Variants in SSBP2 observed in about 807,000 individuals in gnomAD.
The protein encoded by SSBP2 is single stranded DNA binding protein 2.
SSBP2 carries 17 observed loss-of-function variants against 61.8 expected under a neutral mutation model. The ratio of observed to expected loss-of-function variants is 0.28; its 90% CI spans 0.19 to 0.41. The LOEUF (loss-of-function observed/expected upper bound fraction) is 0.41, where lower values mean the gene tolerates loss of function less well. SSBP2 is among the 10% of genes least tolerant of loss of function. The pLI, the probability that SSBP2 is intolerant of heterozygous loss-of-function variation, is 1.00. For missense variants in SSBP2, 310 were observed against 458.7 expected (o/e 0.68, Z 2.96); for synonymous variants, 139 against 141.3 (o/e 0.98, Z 0.12).
At chr5:81,723,388 C>A in intron 1 of SSBP2, among the ~76,000 whole-genome samples, 1 of 151,974 alleles carries the variant, frequency 6.6e-6, no homozygotes, top group East Asian at 1.9e-4. Context: ...TTTCCCCCAA[C>A]TCCATTTTTC....
intron 5 of SSBP2, among the ~76,000 whole-genome samples, chr5:81,494,403 T>C (rs1407827273): frequency 1.3e-5 from 2 of 152,254 alleles, no homozygotes; most frequent in Non-Finnish European, 2.9e-5. Context: ...TGAATGTTTA[T>C]GTCTGCATAA....
chr5:81,700,389 C>T (rs1414059077), intron 1 of SSBP2, among the ~76,000 whole-genome samples: 1 of 152,188 alleles, frequency 6.6e-6, no homozygotes, highest in Non-Finnish European at 1.5e-5. Context: ...AATAGATGTA[C>T]TGTCTTCCAG....
intron 1 of SSBP2, among the ~76,000 whole-genome samples, chr5:81,682,430 A>T (rs929677358): frequency 2.0e-5 from 3 of 152,194 alleles, no homozygotes; most frequent in Admixed American, 2.0e-4. Flanking sequence ...TGAAGAAAAA[A>T]ATTACAATTA....
chr5:81,684,840 G>A (rs1251687470), intron 1 of SSBP2, among the ~76,000 whole-genome samples: 1 of 152,126 alleles, frequency 6.6e-6, no homozygotes, highest in East Asian at 1.9e-4. Context: ...GGACTATTGA[G>A]GGGGATTATT....
At chr5:81,491,586 G>A (rs1385122448) in intron 5 of SSBP2, among the ~76,000 whole-genome samples, 2 of 152,172 alleles carry the variant, frequency 1.3e-5, no homozygotes, top group Admixed American at 6.5e-5. Flanking sequence ...GTCAGTGTAT[G>A]TGCTAGCTGG....
At chr5:81,471,585 A>G (rs1765248622) in intron 8 of SSBP2, among the ~76,000 whole-genome samples, 1 of 152,030 alleles carries the variant, frequency 6.6e-6, no homozygotes, top group Admixed American at 6.6e-5. Flanking sequence ...ATGGAACTTA[A>G]GCAGTCTTAT....
chr5:81,562,158 G>C (rs1003574443), intron 4 of SSBP2, among the ~76,000 whole-genome samples: 1 of 151,826 alleles, frequency 6.6e-6, no homozygotes, highest in Non-Finnish European at 1.5e-5. Flanking sequence ...CACTGGCTTC[G>C]GCCTCCCAAA....
intron 1 of SSBP2, among the ~76,000 whole-genome samples, chr5:81,729,411 A>C (rs1421379709): frequency 6.6e-6 from 1 of 152,194 alleles, no homozygotes; most frequent in African/African-American, 2.4e-5. Flanking sequence ...TAGGAACTGG[A>C]TATACACACA....
At chr5:81,737,193 A>T (rs1756678947) in intron 1 of SSBP2, among the ~76,000 whole-genome samples, 1 of 152,062 alleles carries the variant, frequency 6.6e-6, no homozygotes, top group African/African-American at 2.4e-5. Context: ...AATAATAATA[A>T]AAGTGGTTTA....
At chr5:81,532,104 T>C (rs1317854168) in intron 4 of SSBP2, among the ~76,000 whole-genome samples, 4 of 152,046 alleles carry the variant, frequency 2.6e-5, no homozygotes, top group Non-Finnish European at 5.9e-5. Flanking sequence ...AGCAGTACTG[T>C]CAAGGCATAT....
At chr5:81,551,665 A>G (rs1309924588) in intron 4 of SSBP2, among the ~76,000 whole-genome samples, 1 of 152,188 alleles carries the variant, frequency 6.6e-6, no homozygotes, top group Non-Finnish European at 1.5e-5. Context: ...AAAGCTCTCA[A>G]CTTAAATCTT....
chr5:81,590,013 C>G (rs921156220), intron 4 of SSBP2, among the ~76,000 whole-genome samples: 5 of 152,118 alleles, frequency 3.3e-5, no homozygotes, highest in African/African-American at 9.7e-5. Flanking sequence ...GTTTCCAACA[C>G]AAACTTTTTA....
At chr5:81,495,397 T>C (rs1483366330) in intron 5 of SSBP2, among the ~76,000 whole-genome samples, 1 of 152,304 alleles carries the variant, frequency 6.6e-6, no homozygotes, top group Admixed American at 6.5e-5. Context: ...TAAATATGAT[T>C]CCCCAACACC....
intron 5 of SSBP2, among the ~76,000 whole-genome samples, chr5:81,490,514 TAAG>T (rs1423046608): frequency 6.6e-6 from 1 of 152,106 alleles, no homozygotes; most frequent in African/African-American, 2.4e-5. Flanking sequence ...TAATATGAAT[TAAG>T]AAGTAATATA....
chr5:81,550,158 G>A (rs892096072), intron 4 of SSBP2, among the ~76,000 whole-genome samples: 2 of 152,126 alleles, frequency 1.3e-5, no homozygotes, highest in African/African-American at 4.8e-5. Flanking sequence ...GTACACGAAC[G>A]TTAATAGTAA....
At chr5:81,528,493 T>C (rs553066015) in intron 4 of SSBP2, among the ~76,000 whole-genome samples, 1 of 152,194 alleles carries the variant, frequency 6.6e-6, no homozygotes, top group East Asian at 1.9e-4. Flanking sequence ...CTATTAAATA[T>C]GAAATGTCAA....
At chr5:81,489,896 T>C (rs1766725318) in intron 5 of SSBP2, among the ~76,000 whole-genome samples, 1 of 152,134 alleles carries the variant, frequency 6.6e-6, no homozygotes, top group Non-Finnish European at 1.5e-5. Flanking sequence ...CACACACCTA[T>C]AGTCCCACCT....
intron 12 of SSBP2, 70 bp from the exon 13 acceptor site, chr5:81,442,793 T>G (rs941628908): frequency 4.9e-6 from 4 of 808,994 alleles, no homozygotes; most frequent in Non-Finnish European, 7.9e-6. Flanking sequence ...AAAGTAATGA[T>G]CAAAGATGGT....
At chr5:81,648,395 G>A (rs1749453617) in intron 2 of SSBP2, among the ~76,000 whole-genome samples, 1 of 152,172 alleles carries the variant, frequency 6.6e-6, no homozygotes, top group Admixed American at 6.5e-5. Flanking sequence ...GTTCTTACAT[G>A]TTCTGGCTAA....
Sources: allele counts gnomAD v4.1 joint callset (sites outside exome capture counted in the v4.1 genomes callset), GRCh38; gene constraint gnomAD v4.1.1; transcripts MANE v1.5; gene names NCBI Gene and HGNC (gene_info 2026-07-23, HGNC 2026-07-21).